Variants in ARF3 observed in about 807,000 individuals in gnomAD.
ARF3 encodes ADP-ribosylation factor 3.
Under a neutral mutation model 19.3 loss-of-function variants are expected in ARF3, and 5 were observed. The observed-to-expected ratio is 0.26, with a 90% CI of 0.14 to 0.54. The LOEUF is 0.54. ARF3 is among the 20% of genes least tolerant of loss of function. The probability of loss-of-function intolerance (pLI) is 0.95; values close to 1 mark genes in which losing one functional copy is unlikely to be tolerated. For synonymous variants in ARF3, 71 were observed against 89.2 expected (o/e 0.80, Z 1.15); for missense variants, 77 against 234.2 (o/e 0.33, Z 4.38).
chr12:48,943,984 G>C (rs1940311708), intron 1 of ARF3, among the ~76,000 whole-genome samples: 1 of 152,214 alleles, frequency 6.6e-6, no homozygotes, highest in Non-Finnish European at 1.5e-5. Flanking sequence ...GCTAAGAACA[G>C]CTCTCACCAA....
chr12:48,941,393 G>A (rs894181550), intron 1 of ARF3, among the ~76,000 whole-genome samples: 1 of 152,166 alleles, frequency 6.6e-6, no homozygotes, highest in African/African-American at 2.4e-5. Flanking sequence ...TGCTCTGCCA[G>A]TAATCTAACC....
chr12:48,951,120 T>A (rs946914586), intron 1 of ARF3, among the ~76,000 whole-genome samples: 3 of 152,244 alleles, frequency 2.0e-5, no homozygotes, highest in African/African-American at 7.2e-5. Context: ...TCTTGCTATA[T>A]GATTTAATAA....
rs1940244997 is a variant in ARF3, at chr12:48,940,930, T to C, written c.148+18A>G. 1 of 1,570,982 alleles carries C rather than the reference T, an allele frequency of 6.4e-7. No homozygotes were observed. The highest frequency in any genetic ancestry group is 2.3e-5 in the East Asian group (1 of 42,558). On this transcript the variant is annotated intron_variant, in intron 2 of 4. Transcript: ENST00000256682. The stretch of plus-strand genomic sequence containing the variant: ...TCAGCTGCCGGCGTGAAAGCCCACA[T>C]CCAAGCTGTGCTCTTACCAATGGTA...
chr12:48,944,240 G>A (rs1341432120), intron 1 of ARF3, among the ~76,000 whole-genome samples: 1 of 152,206 alleles, frequency 6.6e-6, no homozygotes, highest in East Asian at 1.9e-4. Flanking sequence ...CTGATTAAAT[G>A]CTTACCAACT....
At chr12:48,957,263 C>A (rs1238740987) in intron 1 of ARF3, 47 bp downstream of exon 1, 1 of 153,036 alleles carries the variant, frequency 6.5e-6, no homozygotes, top group Non-Finnish European at 1.5e-5. Context: ...TCACCCTGAC[C>A]GAGCCTCTTC....
intron 1 of ARF3, among the ~76,000 whole-genome samples, chr12:48,948,125 A>G (rs1386642111): frequency 1.3e-5 from 2 of 151,714 alleles, no homozygotes; most frequent in Non-Finnish European, 2.9e-5. Context: ...GAATCACCTG[A>G]GCCCAGGAAG....
At chr12:48,941,768 C>T (rs1940261445) in intron 1 of ARF3, among the ~76,000 whole-genome samples, 1 of 152,198 alleles carries the variant, frequency 6.6e-6, no homozygotes, top group African/African-American at 2.4e-5. Context: ...AAGAAAGCCG[C>T]ACTCTTAAAA....
intron 1 of ARF3, among the ~76,000 whole-genome samples, chr12:48,946,880 A>G (rs1211880119): frequency 6.6e-6 from 1 of 152,178 alleles, no homozygotes; most frequent in Non-Finnish European, 1.5e-5. Context: ...CCAGTGAATG[A>G]TCCAAGAATG....
intron 1 of ARF3, among the ~76,000 whole-genome samples, chr12:48,955,469 T>C (rs552780723): frequency 6.6e-6 from 1 of 152,336 alleles, no homozygotes; most frequent in African/African-American, 2.4e-5. Flanking sequence ...TATTTTTCTT[T>C]TTGGGTCTTA....
At chr12:48,951,253 G>C (rs1237744489) in intron 1 of ARF3, among the ~76,000 whole-genome samples, 1 of 152,232 alleles carries the variant, frequency 6.6e-6, no homozygotes, top group African/African-American at 2.4e-5. Flanking sequence ...AAACCTGCCT[G>C]ACATTTCAAC....
intron 1 of ARF3, among the ~76,000 whole-genome samples, chr12:48,947,438 A>C (rs559061135): frequency 1.7e-4 from 26 of 151,782 alleles, no homozygotes; most frequent in African/African-American, 5.1e-4. Context: ...TCCCGAGTAG[A>C]TGGGACTACA....
Position 48,941,159 on chromosome 12 carries a change from G to T in ARF3, c.-64C>A, listed in dbSNP as rs1039738828. On this transcript the variant is annotated 5_prime_UTR_variant, in exon 2 of 5. Coordinates refer to ENST00000256682, the MANE Select transcript of ARF3 (RefSeq NM_001659.3). Reference sequence around the variant, plus strand: ...GTAGGGGCAGTGGCAGTCTGGTTTTGGCCTGGTCCCTGGTATGGAAGACTT... The same window carrying T: ...GTAGGGGCAGTGGCAGTCTGGTTTTTGCCTGGTCCCTGGTATGGAAGACTT... 69 of 1,529,880 alleles carry T rather than the reference G, an allele frequency of 4.5e-5. No individual in the cohort carries two copies. The highest frequency in any genetic ancestry group is 1.1e-4 in the Admixed American group (6 of 52,188). 94.8% of individuals were successfully genotyped at this position (1,529,880 alleles called of 1,614,324 possible).
chr12:48,951,565 A>C (rs1565710541), intron 1 of ARF3, among the ~76,000 whole-genome samples: 1 of 149,008 alleles, frequency 6.7e-6, no homozygotes, highest in Non-Finnish European at 1.5e-5. Flanking sequence ...CTCCATCACA[A>C]AAATAAATAA....
chr12:48,938,647 G>A lies in ARF3; in HGVS notation c.*300C>T, dbSNP rs763555701. 1.4e-5 allele frequency: 6 copies of A among 437,550 alleles called. No homozygotes were observed. The highest frequency in any genetic ancestry group is 3.1e-5 in the Admixed American group (1 of 32,462). 27.1% of individuals were successfully genotyped at this position (437,550 alleles called of 1,614,324 possible). On this transcript the variant is annotated 3_prime_UTR_variant, in exon 5 of 5. Coordinates refer to ENST00000256682, the MANE Select transcript of ARF3 (RefSeq NM_001659.3). ...GCCAAACAAAGAGAATACCCCACTC[G>A]ACCTCCCGAAACCCAGAGGGTGAGA...
chr12:48,956,277 A>G (rs1219125613), intron 1 of ARF3: 2 of 152,274 alleles, frequency 1.3e-5, no homozygotes, highest in Admixed American at 1.3e-4. Flanking sequence ...CCTCACCGGG[A>G]CGGCCTTACT....
At chr12:48,949,374 C>T (rs559898958) in intron 1 of ARF3, among the ~76,000 whole-genome samples, 1 of 152,080 alleles carries the variant, frequency 6.6e-6, no homozygotes, top group African/African-American at 2.4e-5. Flanking sequence ...TACAGGCGCC[C>T]GCCACTACAC....
chr12:48,947,697 A>G (rs183037088), intron 1 of ARF3, among the ~76,000 whole-genome samples: 10 of 152,304 alleles, frequency 6.6e-5, no homozygotes, highest in African/African-American at 9.6e-5. Flanking sequence ...TTAATGGAAA[A>G]GACTAGTGAA....
chr12:48,938,355 C>T lies in ARF3; in HGVS notation c.*592G>A, dbSNP rs1285532976. 2.0e-5 allele frequency: 9 copies of T among 454,094 alleles called. No homozygotes were observed. Among genetic ancestry groups the T allele is most frequent in the East Asian group, 1.4e-4 (2 of 14,398 alleles). 28.1% of individuals were successfully genotyped at this position (454,094 alleles called of 1,614,324 possible). ...CCTTCTTCCCTTAATCTCACCAACACGGAAGGGGCAGATGACAGGCTCCAG... is the reference window on the plus strand; with the variant it reads ...CCTTCTTCCCTTAATCTCACCAACATGGAAGGGGCAGATGACAGGCTCCAG... On this transcript the variant is annotated 3_prime_UTR_variant, in exon 5 of 5. Coordinates refer to ENST00000256682, the MANE Select transcript of ARF3 (RefSeq NM_001659.3).
chr12:48,949,642 A>G (rs1565709830), intron 1 of ARF3, among the ~76,000 whole-genome samples: 1 of 152,062 alleles, frequency 6.6e-6, no homozygotes, highest in Non-Finnish European at 1.5e-5. Context: ...TCCTGGGCTC[A>G]AGAGATCCTC....
Sources: allele counts gnomAD v4.1 joint callset (sites outside exome capture counted in the v4.1 genomes callset), GRCh38; gene constraint gnomAD v4.1.1; transcripts MANE v1.5; gene names NCBI Gene and HGNC (gene_info 2026-07-23, HGNC 2026-07-21).